Variants in CSRP2 observed in about 807,000 individuals in gnomAD.
CSRP2 encodes cysteine and glycine rich protein 2, also known as cysteine and glycine-rich protein 2.
A neutral mutation model predicts 24.6 loss-of-function variants in CSRP2; 18 were observed. The ratio of observed to expected loss-of-function variants is 0.73; its 90% CI spans 0.51 to 1.09. The LOEUF (loss-of-function observed/expected upper bound fraction) is 1.09, where lower values mean the gene tolerates loss of function less well. CSRP2 is among the 50% of genes least tolerant of loss of function. The pLI is 0.00. For synonymous variants in CSRP2, 87 were observed against 84.3 expected, an observed-to-expected ratio of 1.03 and a Z score of -0.18; for missense variants, 215 against 239.4, an observed-to-expected ratio of 0.90 and a Z score of 0.67.
At chr12:76,859,831 C>G (rs1953657746) in intron 4 of CSRP2, among the ~76,000 whole-genome samples, 191 bp from the exon 5 acceptor site, 1 of 152,236 alleles carries the variant, frequency 6.6e-6, no homozygotes, top group Non-Finnish European at 1.5e-5. Flanking sequence ...AAGGCTGTTT[C>G]CCTAAGAGCA....
intron 2 of CSRP2, chr12:76,863,552 A>G (rs78457873): frequency 6.3e-6 from 3 of 475,242 alleles, no homozygotes; most frequent in Middle Eastern, 5.3e-4. Flanking sequence ...CATGGATATG[A>G]CAGTTGCTTC....
chr12:76,869,571 CA>C lies in CSRP2; in HGVS notation c.-1-3311del, dbSNP rs1169470354. ...ACACACACACACACACACACACACA[CA>C]CACACACCCCTGACTGGTATGGCTT... is the stretch of plus-strand genomic sequence containing the variant. On this transcript the variant is annotated intron_variant, in intron 1 of 5. Coordinates refer to ENST00000311083, the MANE Select transcript of CSRP2 (RefSeq NM_001321.3). 6.6e-3 allele frequency among the ~76,000 whole-genome samples: 967 copies of C among 146,396 alleles called. 17 individuals are homozygous for C. The highest frequency in any genetic ancestry group is 0.024 in the African/African-American group (935 of 38,722).
intron 1 of CSRP2, among the ~76,000 whole-genome samples, chr12:76,868,957 A>C (rs945115574): frequency 2.6e-5 from 4 of 151,586 alleles, no homozygotes; most frequent in Non-Finnish European, 5.9e-5. Context: ...AAAAAAAAAG[A>C]AAAGCACTGG....
chr12:76,864,715 G>C (rs1953718290), intron 2 of CSRP2: 1 of 152,136 alleles, frequency 6.6e-6, no homozygotes, highest in African/African-American at 2.4e-5. Flanking sequence ...AGCAGGACTA[G>C]CTGGCTGGTT....
chr12:76,860,151 T>C, intron 4 of CSRP2, 133 bp downstream of exon 4: 1 of 900,814 alleles, frequency 1.1e-6, no homozygotes, highest in Non-Finnish European at 1.6e-6. Context: ...CTGATGGAAA[T>C]GCATTTAAAG....
At chr12:76,865,876 CAG>C (rs1471752434) in intron 2 of CSRP2, 16 of 438,380 alleles carry the variant, frequency 3.6e-5, no homozygotes, top group Non-Finnish European at 6.6e-5. Context: ...ACCCAGCACT[CAG>C]TGAGGTGGGG....
Position 76,863,295 on chromosome 12 carries a change from T to A in CSRP2, c.162A>T (p.Glu54Asp). ...LDSTTVAIHD[E>D]EIYCKSCYGK... The stretch of plus-strand genomic sequence containing the variant: ...CGTAGCAGGATTTGCAGTAGATCTC[T>A]TCATCGTGAATTGCCACTGTTGTGC... The change falls in exon 3 of 6, where the codon GAA becomes GAT. Residue 54 changes from glutamate (E) to aspartate (D), a missense_variant. Coordinates refer to ENST00000311083, the MANE Select transcript of CSRP2 (RefSeq NM_001321.3). 1 of 1,614,256 alleles carries A rather than the reference T, an allele frequency of 6.2e-7. No homozygotes were observed. Among genetic ancestry groups the A allele is most frequent in the East Asian group, 2.2e-5 (1 of 44,888 alleles).
chr12:76,860,436 A>G (rs200345176), intron 3 of CSRP2, 23 bp from the exon 4 acceptor site: 2 of 1,489,938 alleles, frequency 1.3e-6, no homozygotes, highest in Middle Eastern at 1.7e-4. Context: ...GGAAAAAAAA[A>G]GTAGGCAAGA....
chr12:76,870,551 C>T (rs1371450089), intron 1 of CSRP2, among the ~76,000 whole-genome samples: 1 of 152,134 alleles, frequency 6.6e-6, no homozygotes, highest in Non-Finnish European at 1.5e-5. Context: ...TTCTCCACAC[C>T]ATCTATCAGA....
In CSRP2 at chr12:76,869,580, CCCT is replaced by C. The variant is rs1555192111; in HGVS notation, c.-1-3322_-1-3320del. The stretch of plus-strand genomic sequence containing the variant: ...CACACACACACACACACACACACAC[CCCT>C]GACTGGTATGGCTTGTTATCACTAA... On this transcript the variant is annotated intron_variant, in intron 1 of 5. Transcript: ENST00000311083. 1.7e-3 allele frequency among the ~76,000 whole-genome samples: 162 copies of C among 95,348 alleles called. 1 individual carries two copies. The highest frequency in any genetic ancestry group is 8.1e-3 in the South Asian group (21 of 2,600). The allele number at this position is 95,348 out of a possible 152,430, so 62.6% of individuals were successfully genotyped here.
chr12:76,872,879 T>C (rs1002639079), intron 1 of CSRP2, among the ~76,000 whole-genome samples: 1 of 152,212 alleles, frequency 6.6e-6, no homozygotes, highest in African/African-American at 2.4e-5. Flanking sequence ...CGTGTTGTTT[T>C]ATCTAAACCG....
rs571552903 is a variant in CSRP2 at position 76,868,927 on chromosome 12, C to G, written c.-1-2666G>C. On this transcript the variant is annotated intron_variant, in intron 1 of 5. Transcript: ENST00000311083. ...CAGCCTGGGCGACAGAGCGAGACTC[C>G]GCCTCAAAAGAAAAAAAAAAAAAAA... Among the ~76,000 whole-genome samples, 358 of 146,418 alleles carry G rather than the reference C, an allele frequency of 2.4e-3. 1 individual carries two copies. The highest frequency in any genetic ancestry group is 8.7e-3 in the African/African-American group (339 of 38,920).
chr12:76,867,452 T>C (rs1289451693), intron 1 of CSRP2, among the ~76,000 whole-genome samples: 1 of 151,882 alleles, frequency 6.6e-6, no homozygotes, highest in African/African-American at 2.4e-5. Context: ...GAGGTTGCAC[T>C]GAGCGAAGAT....
At chr12:76,873,306 G>A (rs894799050) in intron 1 of CSRP2, among the ~76,000 whole-genome samples, 4 of 152,188 alleles carry the variant, frequency 2.6e-5, no homozygotes, top group African/African-American at 7.2e-5. Flanking sequence ...GCACTGTCCC[G>A]TTACGATGAC....
intron 1 of CSRP2, among the ~76,000 whole-genome samples, chr12:76,875,400 C>T (rs899838706): frequency 1.3e-5 from 2 of 152,122 alleles, no homozygotes; most frequent in African/African-American, 4.8e-5. Context: ...CAGCAAAATT[C>T]GACACAGATT....
intron 1 of CSRP2, among the ~76,000 whole-genome samples, chr12:76,871,527 T>G (rs1423691365): frequency 6.6e-6 from 1 of 152,072 alleles, no homozygotes; most frequent in South Asian, 2.1e-4. Context: ...TCCCAGCACT[T>G]TGGGAGGCCA....
intron 1 of CSRP2, among the ~76,000 whole-genome samples, chr12:76,870,697 ATT>A (rs983228951): frequency 6.9e-6 from 1 of 145,268 alleles, no homozygotes; most frequent in African/African-American, 2.5e-5. Context: ...TTGGATTTAC[ATT>A]TTTTTTTTTT....
At chr12:76,863,911 A>G (rs1228396368) in intron 2 of CSRP2, 1 of 152,054 alleles carries the variant, frequency 6.6e-6, no homozygotes, top group Non-Finnish European at 1.5e-5. Context: ...TGGGATAATA[A>G]TAGTTTTAAA....
intron 1 of CSRP2, chr12:76,878,249 T>C (rs1465805808): frequency 6.6e-6 from 1 of 152,234 alleles, no homozygotes; most frequent in Non-Finnish European, 1.5e-5. Flanking sequence ...CAAGCATTCT[T>C]GCATTCTTCT....
Sources: gnomAD v4.1 joint callset for allele counts (sites outside exome capture counted in the v4.1 genomes callset) on GRCh38, gnomAD v4.1.1 for gene constraint, MANE v1.5 for transcripts, NCBI Gene and HGNC (gene_info 2026-07-23, HGNC 2026-07-21) for gene names.